Variants in TBC1D5 observed in about 807,000 individuals in gnomAD.
TBC1D5 encodes TBC1 domain family member 5, also known as TBC1 domain family, member 5.
In TBC1D5, 75 loss-of-function variants were observed where a neutral mutation model predicts 100.3. The observed-to-expected ratio is 0.75, with a 90% CI of 0.62 to 0.91. The LOEUF (loss-of-function observed/expected upper bound fraction) is 0.91. Ranked by LOEUF, TBC1D5 falls within the 40% of genes least tolerant of loss-of-function variation. The pLI is 0.00. For missense variants in TBC1D5, 910 were observed against 942.4 expected, an observed-to-expected ratio of 0.97 and a Z score of 0.45; for synonymous variants, 323 against 325.6, an observed-to-expected ratio of 0.99 and a Z score of 0.09.
intron 18 of TBC1D5, among the ~76,000 whole-genome samples, chr3:17,197,026 C>T (rs1456352026): frequency 6.6e-6 from 1 of 152,152 alleles, no homozygotes; most frequent in African/African-American, 2.4e-5. Context: ...CACAAAATGC[C>T]TACATGCATG....
At chr3:17,564,214 T>C (rs2096579494) in intron 2 of TBC1D5, among the ~76,000 whole-genome samples, 1 of 152,144 alleles carries the variant, frequency 6.6e-6, no homozygotes, top group African/African-American at 2.4e-5. Context: ...AAAAACGACC[T>C]CCCCAGACAT....
intron 3 of TBC1D5, among the ~76,000 whole-genome samples, chr3:17,443,263 C>T (rs1053707510): frequency 3.3e-5 from 5 of 152,118 alleles, no homozygotes; most frequent in South Asian, 2.1e-4. Context: ...AATGTGACAG[C>T]GGTCAGGTCT....
chr3:17,501,063 A>G lies in TBC1D5; in HGVS notation c.97+7411T>C, dbSNP rs1412610219. ...ACGTATTTTTTATCCTTGTTACTGC[A>G]TTCAGAAACTTCCAGGTCACTCTCC... On this transcript the variant is annotated intron_variant, in intron 3 of 21. Coordinates refer to ENST00000253692, the Ensembl canonical transcript of TBC1D5. Among the ~76,000 whole-genome samples, 4 of 149,686 alleles carry G rather than the reference A, an allele frequency of 2.7e-5. 1 individual carries two copies. Among genetic ancestry groups the G allele is most frequent in the African/African-American group, 1.0e-4 (4 of 39,458 alleles).
intron 1 of TBC1D5, among the ~76,000 whole-genome samples, chr3:17,656,309 C>CT (rs1449058593): frequency 6.6e-6 from 1 of 152,138 alleles, no homozygotes; most frequent in Non-Finnish European, 1.5e-5. Flanking sequence ...AAAGGAAGGG[C>CT]TGCTCAAATT....
intron 15 of TBC1D5, among the ~76,000 whole-genome samples, chr3:17,272,009 CTCA>C (rs1290889287): frequency 6.6e-6 from 1 of 152,080 alleles, no homozygotes; most frequent in Non-Finnish European, 1.5e-5. Context: ...CACAGGGAAC[CTCA>C]TCAGAAGAAG....
chr3:17,340,524 A>G (rs1038159490), intron 13 of TBC1D5: 1 of 152,236 alleles, frequency 6.6e-6, no homozygotes, highest in Non-Finnish European at 1.5e-5. Flanking sequence ...TGGCCTCTGT[A>G]CTATATCAAT....
At chr3:17,656,893 A>G (rs1479282763) in intron 1 of TBC1D5, among the ~76,000 whole-genome samples, 1 of 152,098 alleles carries the variant, frequency 6.6e-6, no homozygotes, top group East Asian at 1.9e-4. Context: ...CACACTGCTG[A>G]TGGAATGAGG....
At chr3:17,502,440 T>C (rs1291116482) in intron 3 of TBC1D5, among the ~76,000 whole-genome samples, 1 of 149,392 alleles carries the variant, frequency 6.7e-6, no homozygotes, top group Non-Finnish European at 1.5e-5. Context: ...CAGCCTCTTT[T>C]TTTAAGTCTC....
At chr3:17,648,931 G>C (rs2065270160) in intron 1 of TBC1D5, among the ~76,000 whole-genome samples, 1 of 152,202 alleles carries the variant, frequency 6.6e-6, no homozygotes. Context: ...ATTCCTCACA[G>C]AGGCAAAAGC....
intron 3 of TBC1D5, among the ~76,000 whole-genome samples, chr3:17,428,889 A>G (rs1349266604): frequency 1.3e-5 from 2 of 152,010 alleles, no homozygotes; most frequent in Non-Finnish European, 2.9e-5. Flanking sequence ...TGGCACTGTC[A>G]AAAGAGAACA....
At chr3:17,652,921 G>C (rs934859375) in intron 1 of TBC1D5, among the ~76,000 whole-genome samples, 7 of 152,138 alleles carry the variant, frequency 4.6e-5, no homozygotes, top group Non-Finnish European at 1.0e-4. Flanking sequence ...TGTCCATCAA[G>C]GGATGAATGG....
intron 15 of TBC1D5, among the ~76,000 whole-genome samples, chr3:17,271,115 T>A (rs2079379122): frequency 6.6e-6 from 1 of 152,204 alleles, no homozygotes; most frequent in South Asian, 2.1e-4. Flanking sequence ...TTCAGTTTCA[T>A]ATTAATTTTA....
At chr3:17,579,966 G>A (rs1244887329) in intron 2 of TBC1D5, among the ~76,000 whole-genome samples, 1 of 152,028 alleles carries the variant, frequency 6.6e-6, no homozygotes. Flanking sequence ...TGTGCTCCGG[G>A]GCTGATGTGA....
intron 18 of TBC1D5, among the ~76,000 whole-genome samples, chr3:17,194,952 T>C (rs73031275): frequency 0.078 from 11,858 of 152,312 alleles, 636 homozygotes; most frequent in Non-Finnish European, 0.12. Flanking sequence ...ATAAATATAC[T>C]GGAAATTGAA....
intron 18 of TBC1D5, among the ~76,000 whole-genome samples, chr3:17,189,098 C>T (rs544488041): frequency 6.6e-6 from 1 of 152,306 alleles, no homozygotes; most frequent in Non-Finnish European, 1.5e-5. Context: ...TACTCAACCC[C>T]ACCTGGCAGG....
chr3:17,201,658 C>T (rs2071477000), intron 18 of TBC1D5, among the ~76,000 whole-genome samples: 1 of 152,088 alleles, frequency 6.6e-6, no homozygotes, highest in South Asian at 2.1e-4. Context: ...TTCGCCCTTG[C>T]TGTTATTGTG....
At chr3:17,626,442 T>C (rs753180078) in intron 1 of TBC1D5, among the ~76,000 whole-genome samples, 2 of 152,060 alleles carry the variant, frequency 1.3e-5, no homozygotes, top group Non-Finnish European at 2.9e-5. Context: ...CTAAGAGAGA[T>C]CCAAAGAAAT....
intron 4 of TBC1D5, among the ~76,000 whole-genome samples, chr3:17,409,048 T>A (rs2093850812): frequency 6.6e-6 from 1 of 152,156 alleles, no homozygotes; most frequent in African/African-American, 2.4e-5. Flanking sequence ...AGATTAGCAA[T>A]CAGTACATTA....
At chr3:17,185,957 TTTC>T (rs1278861410) in intron 18 of TBC1D5, among the ~76,000 whole-genome samples, 3 of 149,162 alleles carry the variant, frequency 2.0e-5, no homozygotes, top group African/African-American at 5.1e-5. Context: ...GAAGCCTTTT[TTTC>T]TTTTCTTTTT....
Sources: allele counts gnomAD v4.1 joint callset (sites outside exome capture counted in the v4.1 genomes callset), GRCh38; gene constraint gnomAD v4.1.1; transcripts MANE v1.5; gene names NCBI Gene and HGNC (gene_info 2026-07-23, HGNC 2026-07-21).